The following ABCC5 variants were observed in gnomAD, a reference collection of about 807,000 sequenced individuals.
ABCC5 encodes ATP-binding cassette sub-family C member 5.
ABCC5 carries 61 observed loss-of-function variants against 160.9 expected under a neutral mutation model. The ratio of observed to expected loss-of-function variants is 0.38; its 90% CI spans 0.31 to 0.47. The LOEUF is 0.47. ABCC5 is among the 20% of genes least tolerant of loss of function. ABCC5 has a pLI of 0.99. For missense variants in ABCC5, 1,308 were observed against 1,813.3 expected (o/e 0.72, Z 5.06); for synonymous variants, 666 against 700.6 (o/e 0.95, Z 0.78).
At chr3:183,938,614 G>T (rs1166619808) in intron 25 of ABCC5, among the ~76,000 whole-genome samples, 1 of 152,054 alleles carries the variant, frequency 6.6e-6, no homozygotes, top group Non-Finnish European at 1.5e-5. Flanking sequence ...CCATTTTCAT[G>T]AGAGTAAAAT....
Position 183,982,766 on chromosome 3 carries a change from T to C in ABCC5, c.825+8A>G. 1 of 1,613,914 alleles carries C rather than the reference T, an allele frequency of 6.2e-7. No individual in the cohort carries two copies. The highest frequency in any genetic ancestry group is 8.5e-7 in the Non-Finnish European group (1 of 1,179,814). Reference sequence around the variant, plus strand: ...CTCTCTGCTGTGAAGCAAACACCCCTCACTCACCTCACCCAGGGATTTCTC... The same window carrying C: ...CTCTCTGCTGTGAAGCAAACACCCCCCACTCACCTCACCCAGGGATTTCTC... On this transcript the variant is annotated splice_region_variant and intron_variant, in intron 6 of 29. Transcript: ENST00000334444. This position sits in a 1 kb window ranked among gnomAD's most constrained non-coding sequence, Gnocchi z 5.2.
At chr3:184,000,961 G>C (rs1720697631) in intron 2 of ABCC5, 3 of 373,858 alleles carry the variant, frequency 8.0e-6, no homozygotes, top group East Asian at 7.9e-5. Context: ...CATTTAAAAA[G>C]TAAAAAGTAG....
In ABCC5 at chr3:183,955,300, T is replaced by C. The variant is rs112437785; in HGVS notation, c.2483-2030A>G. Among the ~76,000 whole-genome samples the C allele has an allele frequency of 5.9e-3, 891 of 152,168 alleles. 11 individuals are homozygous for C. The highest frequency in any genetic ancestry group is 0.02 in the African/African-American group (831 of 41,514). Reference sequence around the variant, plus strand: ...GCTCTATTATTTTAATAGAGTGAGGTTGGAATTAGGTATCTTACAGCTACA... The same window carrying C: ...GCTCTATTATTTTAATAGAGTGAGGCTGGAATTAGGTATCTTACAGCTACA... On this transcript the variant is annotated intron_variant, in intron 17 of 29. Transcript: ENST00000334444.
At chr3:184,004,645 A>T (rs1173994572) in intron 2 of ABCC5, among the ~76,000 whole-genome samples, 1 of 152,184 alleles carries the variant, frequency 6.6e-6, no homozygotes, top group African/African-American at 2.4e-5. Context: ...AGAGCAGACC[A>T]GAACTGCTGA....
rs138110025 is a variant in ABCC5 at position 183,939,819 on chromosome 3, C to T, written c.3695-1759G>A. Among the ~76,000 whole-genome samples, 64 of 152,322 alleles carry T rather than the reference C, an allele frequency of 4.2e-4. 1 individual carries two copies. The highest frequency in any genetic ancestry group is 2.0e-4 in the Admixed American group (3 of 15,300). ...CTACAGGGTTTTAGCTGTTGAATCA[C>T]TTTTCCTTGGCTGTACGCCTGGTTC... On this transcript the variant is annotated intron_variant, in intron 25 of 29. Transcript: ENST00000334444.
At chr3:183,960,961 T>A (rs1483719841) in intron 16 of ABCC5, among the ~76,000 whole-genome samples, 2 of 151,992 alleles carry the variant, frequency 1.3e-5, no homozygotes, top group Non-Finnish European at 2.9e-5. Flanking sequence ...AATTTTTGTA[T>A]TTTTTTGTAA....
chr3:183,959,492 C>A lies in ABCC5; in HGVS notation c.2482+241G>T, dbSNP rs147702932. Among the ~76,000 whole-genome samples, 26 of 152,264 alleles carry A rather than the reference C, an allele frequency of 1.7e-4. No homozygotes were observed. In the East Asian group the frequency reaches 4.8e-3, roughly 28 times the overall value. ...CAGTTCTAATTACCTAAACCTGACC[C>A]CACCCTGCACAGGAGAAGACATGGG... On this transcript the variant is annotated intron_variant, in intron 17 of 29. Coordinates refer to ENST00000334444, the MANE Select transcript of ABCC5 (RefSeq NM_005688.4).
At chr3:183,929,350 T>C (rs1712941666) in intron 26 of ABCC5, among the ~76,000 whole-genome samples, 1 of 152,102 alleles carries the variant, frequency 6.6e-6, no homozygotes, top group Non-Finnish European at 1.5e-5. Flanking sequence ...GGAGAATTGC[T>C]TGAACCCAGG....
chr3:183,960,099 C>T (rs1345944898), intron 16 of ABCC5, among the ~76,000 whole-genome samples: 2 of 152,174 alleles, frequency 1.3e-5, no homozygotes, highest in Non-Finnish European at 2.9e-5. Context: ...TTGTCCATTC[C>T]AAGTTGCACA....
At chr3:183,956,958 AC>A (rs1716087237) in intron 17 of ABCC5, among the ~76,000 whole-genome samples, 1 of 148,800 alleles carries the variant, frequency 6.7e-6, no homozygotes, top group African/African-American at 2.5e-5. Flanking sequence ...ATCCGTGTGT[AC>A]ATCACATCGG....
chr3:183,924,709 T>A (rs1712353552), intron 29 of ABCC5, among the ~76,000 whole-genome samples: 1 of 152,214 alleles, frequency 6.6e-6, no homozygotes, highest in African/African-American at 2.4e-5. Flanking sequence ...GACTCTGCCC[T>A]CAGAGAGCGT....
chr3:183,995,956 C>T (rs952257790), intron 2 of ABCC5, among the ~76,000 whole-genome samples: 16 of 151,848 alleles, frequency 1.1e-4, no homozygotes, highest in African/African-American at 1.9e-4. Flanking sequence ...TACAGGCACC[C>T]GCCACCACGC....
rs1304474116 is a variant in ABCC5, at chr3:183,925,720, C to T, written c.4048-1G>A. The T allele has an allele frequency of 1.2e-6, 2 of 1,612,012 alleles. No individual in the cohort carries two copies. Among genetic ancestry groups the T allele is most frequent in the Admixed American group, 3.4e-5 (2 of 59,246 alleles). On this transcript the variant is annotated splice_acceptor_variant, in intron 28 of 29. Coordinates refer to ENST00000334444, the MANE Select transcript of ABCC5 (RefSeq NM_005688.4). LOFTEE classifies it high-confidence loss of function. ...CTGTGGCTTCATCTAAAATCAGAAT[C>T]TGCCAGAGAAGCAGAGGAGAAAGAA...
At chr3:184,006,116 T>C (rs1721179027) in intron 2 of ABCC5, among the ~76,000 whole-genome samples, 1 of 151,934 alleles carries the variant, frequency 6.6e-6, no homozygotes, top group Admixed American at 6.6e-5. Flanking sequence ...GTCAATGCAG[T>C]TACCAAGCAT....
At chr3:183,939,622 C>T (rs766975235) in intron 25 of ABCC5, among the ~76,000 whole-genome samples, 15 of 152,182 alleles carry the variant, frequency 9.9e-5, no homozygotes, top group Non-Finnish European at 2.1e-4. Context: ...AGTGCTGAAA[C>T]TTTACTGCCA....
intron 2 of ABCC5, among the ~76,000 whole-genome samples, chr3:184,004,307 C>T (rs1378257822): frequency 1.3e-5 from 2 of 151,442 alleles, no homozygotes; most frequent in Admixed American, 6.6e-5. Context: ...GGTCAGGACT[C>T]GAGACCAGCC....
At chr3:183,928,432 A>G (rs1465166483) in intron 27 of ABCC5, among the ~76,000 whole-genome samples, 3 of 152,168 alleles carry the variant, frequency 2.0e-5, no homozygotes, top group African/African-American at 7.2e-5. Flanking sequence ...TCTTTTGCGT[A>G]TATGTGGACG....
intron 29 of ABCC5, 113 bp downstream of exon 29, chr3:183,925,442 C>T (rs867215787): frequency 9.2e-7 from 1 of 1,086,732 alleles, no homozygotes; most frequent in Non-Finnish European, 1.3e-6. Flanking sequence ...AGCGCTGCTG[C>T]AAGTGCTTAT....
intron 22 of ABCC5, among the ~76,000 whole-genome samples, chr3:183,947,980 T>G (rs1243387835): frequency 6.6e-6 from 1 of 152,184 alleles, no homozygotes; most frequent in African/African-American, 2.4e-5. Flanking sequence ...GCCGCCACCA[T>G]GCAGAATGGC....
Sources: gnomAD v4.1 joint callset for allele counts (sites outside exome capture counted in the v4.1 genomes callset) on GRCh38, gnomAD v4.1.1 for gene constraint, Gnocchi (gnomAD v3.1) non-coding constraint, MANE v1.5 for transcripts, NCBI Gene and HGNC (gene_info 2026-07-23, HGNC 2026-07-21) for gene names.